MECOM: variants seen among roughly 807,000 people sequenced by gnomAD.
MECOM encodes the protein MDS1 and EVI1 complex locus, also known as histone-lysine N-methyltransferase MECOM.
In MECOM, 13 loss-of-function variants were observed where a neutral mutation model predicts 116.3. The ratio of observed to expected loss-of-function variants is 0.11; its 90% CI spans 0.07 to 0.18. The LOEUF (loss-of-function observed/expected upper bound fraction) is 0.18. Ranked by LOEUF, MECOM falls within the 10% of genes least tolerant of loss-of-function variation. The pLI is 1.00. For synonymous variants in MECOM, 528 were observed against 535.2 expected (o/e 0.99, Z 0.19); for missense variants, 1,299 against 1,509.0 (o/e 0.86, Z 2.31).
intron 1 of MECOM, among the ~76,000 whole-genome samples, chr3:169,658,288 T>C (rs993016531): frequency 6.6e-6 from 1 of 152,160 alleles, no homozygotes; most frequent in African/African-American, 2.4e-5. Context: ...CCTGGCATCA[T>C]CAGAGTGTAA....
chr3:169,133,874 T>C, intron 3 of MECOM: 1 of 1,262,536 alleles, frequency 7.9e-7, no homozygotes, highest in Non-Finnish European at 1.0e-6. Context: ...CTATTTCCCC[T>C]TAGAAAACAA....
At chr3:169,171,504 C>A (rs925994878) in intron 2 of MECOM, among the ~76,000 whole-genome samples, 6 of 151,884 alleles carry the variant, frequency 4.0e-5, no homozygotes, top group African/African-American at 1.5e-4. Flanking sequence ...TTATAAAGCT[C>A]TTTAACATTT....
chr3:169,595,907 T>C (rs1767070460), intron 1 of MECOM, among the ~76,000 whole-genome samples: 1 of 145,744 alleles, frequency 6.9e-6, no homozygotes, highest in African/African-American at 2.5e-5. Flanking sequence ...AAACATCAAA[T>C]CCAAATACAA....
At chr3:169,401,302 C>T (rs906002228) in intron 1 of MECOM, among the ~76,000 whole-genome samples, 1 of 152,150 alleles carries the variant, frequency 6.6e-6, no homozygotes, top group African/African-American at 2.4e-5. Context: ...TGCTGTCATA[C>T]CTGAAATTCT....
At chr3:169,327,944 G>C (rs1722132070) in intron 2 of MECOM, among the ~76,000 whole-genome samples, 1 of 152,048 alleles carries the variant, frequency 6.6e-6, no homozygotes, top group Non-Finnish European at 1.5e-5. Flanking sequence ...TATCATACTG[G>C]TACATGAGAG....
intron 2 of MECOM, among the ~76,000 whole-genome samples, chr3:169,190,905 A>G (rs749574067): frequency 2.6e-5 from 4 of 152,022 alleles, no homozygotes; most frequent in Non-Finnish European, 4.4e-5. Context: ...TATGTTGTAT[A>G]TCAATGTGTA....
chr3:169,524,744 T>A (rs548776274), intron 1 of MECOM, among the ~76,000 whole-genome samples: 25 of 152,210 alleles, frequency 1.6e-4, no homozygotes, highest in Non-Finnish European at 2.5e-4. Flanking sequence ...ACTATCTTTA[T>A]TTCTAAATCC....
chr3:169,322,416 C>T (rs1241672960), intron 2 of MECOM, among the ~76,000 whole-genome samples: 1 of 152,100 alleles, frequency 6.6e-6, no homozygotes, highest in Non-Finnish European at 1.5e-5. Flanking sequence ...CTTTATTCTC[C>T]ATACTCATTG....
chr3:169,122,703 A>G lies in MECOM; in HGVS notation c.855T>C (p.His285=), dbSNP rs770218479. ...CACACTTGTATTCCCTCTCTTCAGT[A>G]TGTGACAGCATGTGTTTCTCCAGGC... ...LQSLEKHMLS[H]TEEREYKCDQ... is the part of the protein sequence containing the mutation. The change falls in exon 6 of 17, where the codon CAT becomes CAC. Residue 285 remains histidine (H), a synonymous_variant. Transcript: ENST00000651503. 2.5e-6 allele frequency: 4 copies of G among 1,613,940 alleles called. No individual in the cohort carries two copies. The highest frequency in any genetic ancestry group is 3.4e-6 in the Non-Finnish European group (4 of 1,179,842).
intron 2 of MECOM, among the ~76,000 whole-genome samples, chr3:169,212,736 T>G (rs1264125164): frequency 2.1e-5 from 3 of 142,014 alleles, no homozygotes; most frequent in Non-Finnish European, 4.6e-5. Context: ...CCACTACCAG[T>G]TCTAGCCCTC....
intron 1 of MECOM, among the ~76,000 whole-genome samples, chr3:169,535,773 G>T (rs1759278621): frequency 6.6e-6 from 1 of 152,176 alleles, no homozygotes; most frequent in Non-Finnish European, 1.5e-5. Context: ...TATGTCGTAG[G>T]CACTCAATAA....
At chr3:169,582,376 G>T (rs1464764265) in intron 1 of MECOM, among the ~76,000 whole-genome samples, 1 of 152,026 alleles carries the variant, frequency 6.6e-6, no homozygotes, top group Non-Finnish European at 1.5e-5. Flanking sequence ...ATGGATTGGG[G>T]TCCAAAAACA....
intron 1 of MECOM, among the ~76,000 whole-genome samples, chr3:169,433,120 A>G (rs2108565339): frequency 6.6e-6 from 1 of 152,342 alleles, no homozygotes; most frequent in Admixed American, 6.5e-5. Context: ...AATTCATTTT[A>G]TGTAAATGGA....
chr3:169,655,742 T>C, intron 1 of MECOM, among the ~76,000 whole-genome samples: 1 of 152,112 alleles, frequency 6.6e-6, no homozygotes, highest in Non-Finnish European at 1.5e-5. Context: ...GACATGTAAA[T>C]ACTTTTAAAA....
intron 2 of MECOM, among the ~76,000 whole-genome samples, chr3:169,290,422 T>G (rs1354351738): frequency 6.6e-6 from 1 of 152,202 alleles, no homozygotes; most frequent in East Asian, 1.9e-4. Context: ...GCTCTATAAT[T>G]TTAAAATAAC....
chr3:169,460,596 G>T (rs550015377), intron 1 of MECOM, among the ~76,000 whole-genome samples: 1 of 152,192 alleles, frequency 6.6e-6, no homozygotes, highest in South Asian at 2.1e-4. Flanking sequence ...AATTATTCTA[G>T]GAAAAAAGTA....
At chr3:169,174,382 A>G (rs959657372) in intron 2 of MECOM, among the ~76,000 whole-genome samples, 1 of 152,198 alleles carries the variant, frequency 6.6e-6, no homozygotes, top group Non-Finnish European at 1.5e-5. Context: ...TGTAATGGAC[A>G]AGAATGAATG....
At chr3:169,457,075 C>T (rs1397792123) in intron 1 of MECOM, among the ~76,000 whole-genome samples, 2 of 152,134 alleles carry the variant, frequency 1.3e-5, no homozygotes, top group Non-Finnish European at 2.9e-5. Flanking sequence ...TCCAATCCCT[C>T]CAACCTCATC....
intron 1 of MECOM, among the ~76,000 whole-genome samples, chr3:169,639,413 C>G (rs1279016531): frequency 6.6e-6 from 1 of 152,150 alleles, no homozygotes; most frequent in East Asian, 1.9e-4. Flanking sequence ...GTCTTTCCTA[C>G]TGAATATGAA....
Sources: gnomAD v4.1 joint callset for allele counts (sites outside exome capture counted in the v4.1 genomes callset) on GRCh38, gnomAD v4.1.1 for gene constraint, MANE v1.5 for transcripts, NCBI Gene and HGNC (gene_info 2026-07-23, HGNC 2026-07-21) for gene names.